The following USP15 variants were observed in gnomAD, a reference collection of about 807,000 sequenced individuals.
The protein encoded by USP15 is ubiquitin carboxyl-terminal hydrolase 15.
A neutral mutation model predicts 127.1 loss-of-function variants in USP15; 18 were observed. The ratio of observed to expected loss-of-function variants is 0.14; its 90% CI spans 0.10 to 0.21. The LOEUF (loss-of-function observed/expected upper bound fraction) is 0.21, where lower values mean the gene tolerates loss of function less well. Among genes scored for constraint, USP15 ranks in the 10% least tolerant of loss-of-function variants. The pLI is 1.00. For synonymous variants in USP15, 364 were observed against 393.7 expected (o/e 0.92, Z 0.89); for missense variants, 805 against 1,159.9 (o/e 0.69, Z 4.44).
At chr12:62,329,437 A>T (rs1248539482) in intron 6 of USP15, among the ~76,000 whole-genome samples, 1 of 152,224 alleles carries the variant, frequency 6.6e-6, no homozygotes, top group African/African-American at 2.4e-5. Flanking sequence ...TAGGGATCAT[A>T]GAACATAATG....
intron 6 of USP15, chr12:62,335,279 A>G (rs2065426628): frequency 4.0e-6 from 6 of 1,505,002 alleles, no homozygotes; most frequent in Non-Finnish European, 5.3e-6. Flanking sequence ...CCCCTAAATA[A>G]CCTGATATTA....
chr12:62,316,877 C>T (rs2064844717), intron 4 of USP15, among the ~76,000 whole-genome samples: 1 of 152,088 alleles, frequency 6.6e-6, no homozygotes, highest in South Asian at 2.1e-4. Context: ...AGTTTACAAT[C>T]TAGCATAGAT....
chr12:62,404,634 T>C lies in USP15; in HGVS notation c.*259T>C, dbSNP rs567352213. 1 of 244,850 alleles carries C rather than the reference T, an allele frequency of 4.1e-6. No individual in the cohort carries two copies. The highest frequency in any genetic ancestry group is 1.6e-4 in the South Asian group (1 of 6,356). 15.2% of individuals were successfully genotyped at this position (244,850 alleles called of 1,614,324 possible). ...TATAGGAAATCACAAATAAATCCCT[T>C]TTAAGTTTGCTGCTGTTTTGATTAA... On this transcript the variant is annotated 3_prime_UTR_variant, in exon 22 of 22. Coordinates refer to ENST00000280377, the MANE Select transcript of USP15 (RefSeq NM_001252078.2).
Position 62,411,779 on chromosome 12 carries a change from C to G in USP15, c.*7404C>G, listed in dbSNP as rs556470687. Reference sequence around the variant, plus strand: ...GTATACTGGGTTTCTGGTGAGGGTGCCTTTCCTGGCTTACAGATGGCTGCC... The same window carrying G: ...GTATACTGGGTTTCTGGTGAGGGTGGCTTTCCTGGCTTACAGATGGCTGCC... On this transcript the variant is annotated 3_prime_UTR_variant, in exon 22 of 22. Transcript: ENST00000280377. 1 of 152,252 alleles carries G rather than the reference C, an allele frequency of 6.6e-6. No individual in the cohort carries two copies. Among genetic ancestry groups the G allele is most frequent in the East Asian group, 1.9e-4 (1 of 5,174 alleles). 9.4% of individuals were successfully genotyped at this position (152,252 alleles called of 1,614,324 possible).
At chr12:62,301,300 A>G (rs1305840956) in intron 2 of USP15, among the ~76,000 whole-genome samples, 6 of 152,132 alleles carry the variant, frequency 3.9e-5, no homozygotes, top group South Asian at 2.1e-4. Context: ...AGTTAGACAT[A>G]CGTTTATTGT....
chr12:62,324,713 T>A (rs2065080760), intron 5 of USP15, among the ~76,000 whole-genome samples: 1 of 151,996 alleles, frequency 6.6e-6, no homozygotes, highest in African/African-American at 2.4e-5. Flanking sequence ...ATAGATTTTT[T>A]AAAGCTAACT....
chr12:62,379,780 A>C (rs931499499), intron 8 of USP15, among the ~76,000 whole-genome samples: 2 of 152,096 alleles, frequency 1.3e-5, no homozygotes, highest in Admixed American at 6.5e-5. Flanking sequence ...TTTGTACTAA[A>C]TCAGATGATA....
rs903868864 is a variant in USP15 at position 62,260,435 on chromosome 12, G to A, written c.21G>A (p.Ala7=). Residue 7 remains alanine (A), a synonymous_variant, in exon 1 of 22, where the codon GCG becomes GCA. Coordinates refer to ENST00000280377, the MANE Select transcript of USP15 (RefSeq NM_001252078.2). The part of the protein sequence containing the change: MAEGGA[A]DLDTQRSDIA... The stretch of plus-strand genomic sequence containing the variant: ...AGAAGATGGCGGAAGGCGGAGCGGC[G>A]GATCTGGACACCCAGCGGTCTGACA... 1.9e-6 allele frequency: 3 copies of A among 1,551,688 alleles called. No individual in the cohort carries two copies. Among genetic ancestry groups the A allele is most frequent in the Non-Finnish European group, 2.6e-6 (3 of 1,147,754 alleles).
chr12:62,394,965 G>A (rs760794505), intron 19 of USP15, among the ~76,000 whole-genome samples: 1 of 151,936 alleles, frequency 6.6e-6, no homozygotes, highest in Non-Finnish European at 1.5e-5. Context: ...AGAACAACCA[G>A]AAATAATAAT....
chr12:62,391,712 A>G, intron 16 of USP15, 104 bp from the exon 17 acceptor site: 1 of 1,067,562 alleles, frequency 9.4e-7, no homozygotes, highest in Non-Finnish European at 1.3e-6. Context: ...GTACAAGTAG[A>G]AAAGATTGCT....
rs774445806 is a variant in USP15, at chr12:62,389,710, AACTC to A, written c.1652+13_1652+16del. 8 of 1,605,764 alleles carry A rather than the reference AACTC, an allele frequency of 5.0e-6. No homozygotes were observed. Among genetic ancestry groups the A allele is most frequent in the Non-Finnish European group, 6.8e-6 (8 of 1,176,226 alleles). On this transcript the variant is annotated intron_variant, in intron 13 of 21. Coordinates refer to ENST00000280377, the MANE Select transcript of USP15 (RefSeq NM_001252078.2). ...GGATGATATTTATGTGTAAGTATAA[AACTC>A]ATTGTGCAAAATATTACTTGAAAAA...
At chr12:62,376,645 T>C (rs1424674395) in intron 8 of USP15, among the ~76,000 whole-genome samples, 4 of 152,172 alleles carry the variant, frequency 2.6e-5, no homozygotes, top group Admixed American at 2.0e-4. Context: ...TAACTAATAC[T>C]GTTTATATAA....
At chr12:62,382,356 A>G (rs752374797) in intron 9 of USP15, among the ~76,000 whole-genome samples, 51 of 152,000 alleles carry the variant, frequency 3.4e-4, no homozygotes, top group Non-Finnish European at 5.4e-4. Context: ...TAGAGAGAAT[A>G]AGCAGTTTTA....
At chr12:62,275,354 A>G (rs2063460448) in intron 1 of USP15, among the ~76,000 whole-genome samples, 1 of 151,972 alleles carries the variant, frequency 6.6e-6, no homozygotes, top group Non-Finnish European at 1.5e-5. Flanking sequence ...ACATTTAAGC[A>G]AAAGAGAAGG....
At chr12:62,352,078 G>A (rs1272885984) in intron 7 of USP15, among the ~76,000 whole-genome samples, 2 of 151,324 alleles carry the variant, frequency 1.3e-5, no homozygotes, top group African/African-American at 4.8e-5. Context: ...TTATGTATGT[G>A]GAAATAGTCT....
chr12:62,373,614 C>T (rs767473840), intron 8 of USP15, among the ~76,000 whole-genome samples: 1 of 151,922 alleles, frequency 6.6e-6, no homozygotes, highest in Admixed American at 6.6e-5. Context: ...TGCTAGTTCT[C>T]TCTTCACTGA....
At position 62,414,273 on chromosome 12, in the gene USP15, AAAC is replaced by A. The variant is rs2068103722; in HGVS notation, c.*9901_*9903del. 1.3e-5 allele frequency: 2 copies of A among 152,254 alleles called. No individual in the cohort carries two copies. Among genetic ancestry groups the A allele is most frequent in the South Asian group, 4.1e-4 (2 of 4,836 alleles). 9.4% of individuals were successfully genotyped at this position (152,254 alleles called of 1,614,324 possible). On this transcript the variant is annotated 3_prime_UTR_variant, in exon 22 of 22. Coordinates refer to ENST00000280377, the MANE Select transcript of USP15 (RefSeq NM_001252078.2). ...CTTGCCACAAGCCTTGTTTGTAAAA[AAAC>A]AAAAACAATTATCTTCAAAGCATGA... is the stretch of plus-strand genomic sequence containing the variant.
intron 6 of USP15, among the ~76,000 whole-genome samples, chr12:62,330,918 T>C (rs7970898): frequency 0.87 from 127,673 of 146,950 alleles, 55,606 homozygotes; most frequent in African/African-American, 0.95. Context: ...AGAGTGAGAC[T>C]CTGTCTCCAA....
chr12:62,393,471 T>C (rs1005077121), intron 19 of USP15: 2 of 275,904 alleles, frequency 7.2e-6, no homozygotes, highest in African/African-American at 2.2e-5. Context: ...ACCTATGGGT[T>C]AATTGGTCTC....
Sources: gnomAD v4.1 joint callset for allele counts (sites outside exome capture counted in the v4.1 genomes callset) on GRCh38, gnomAD v4.1.1 for gene constraint, MANE v1.5 for transcripts, NCBI Gene and HGNC (gene_info 2026-07-23, HGNC 2026-07-21) for gene names.